RNF220: variants seen among roughly 807,000 people sequenced by gnomAD.
The protein encoded by RNF220 is ring finger protein 220.
Under a neutral mutation model 67.1 loss-of-function variants are expected in RNF220, and 7 were observed. The observed-to-expected ratio is 0.10, with a 90% CI of 0.06 to 0.20. The LOEUF is 0.20. RNF220 is among the 10% of genes least tolerant of loss of function. The probability of loss-of-function intolerance (pLI) is 1.00; values close to 1 mark genes in which losing one functional copy is unlikely to be tolerated. For synonymous variants in RNF220, 270 were observed against 283.2 expected, an observed-to-expected ratio of 0.95 and a Z score of 0.47; for missense variants, 565 against 740.3, an observed-to-expected ratio of 0.76 and a Z score of 2.75.
intron 2 of RNF220, among the ~76,000 whole-genome samples, chr1:44,579,639 A>G (rs1665088478): frequency 6.6e-6 from 1 of 152,018 alleles, no homozygotes; most frequent in Non-Finnish European, 1.5e-5. Flanking sequence ...CTATTTGTGG[A>G]TATTGTTTAT....
intron 2 of RNF220, among the ~76,000 whole-genome samples, chr1:44,448,863 T>C (rs1215018174): frequency 1.3e-5 from 2 of 152,232 alleles, no homozygotes; most frequent in Non-Finnish European, 2.9e-5. Flanking sequence ...TTGATATACC[T>C]GAGCCTGACT....
intron 1 of RNF220, among the ~76,000 whole-genome samples, chr1:44,407,481 C>T (rs556289963): frequency 3.9e-4 from 60 of 152,090 alleles, no homozygotes; most frequent in African/African-American, 1.2e-3. Flanking sequence ...CCGTGCCGAT[C>T]CCTCCTGGCC....
Position 44,622,766 on chromosome 1 carries a change from C to A in RNF220, c.783C>A (p.Ala261=). The A allele has an allele frequency of 6.2e-7, 1 of 1,614,014 alleles. No individual in the cohort carries two copies. Among genetic ancestry groups the A allele is most frequent in the Non-Finnish European group, 8.5e-7 (1 of 1,179,930 alleles). ...GCAAGAATTCCCTTCTGAAGGATGCCATGGCTCCAGGCACCCCAAAGGTAG... is the reference window on the plus strand; with the variant it reads ...GCAAGAATTCCCTTCTGAAGGATGCAATGGCTCCAGGCACCCCAAAGGTAG... ...PSSKNSLLKD[A]MAPGTPKSLL... The change falls in exon 4 of 15, where the codon GCC becomes GCA. Residue 261 remains alanine, a synonymous_variant. Transcript: ENST00000361799. This position sits in a 1 kb window ranked among gnomAD's most constrained non-coding sequence, Gnocchi z 4.3.
At chr1:44,534,444 A>G (rs1195924011) in intron 2 of RNF220, among the ~76,000 whole-genome samples, 1 of 152,098 alleles carries the variant, frequency 6.6e-6, no homozygotes, top group Non-Finnish European at 1.5e-5. Context: ...ATTTAGCATT[A>G]GGTATATCTC....
chr1:44,617,918 T>C (rs1643629759), intron 3 of RNF220, among the ~76,000 whole-genome samples: 1 of 147,622 alleles, frequency 6.8e-6, no homozygotes, highest in South Asian at 2.2e-4. Context: ...TGCTGACTCC[T>C]CCCTCTTCTC....
chr1:44,465,448 T>A (rs893546612), intron 2 of RNF220, among the ~76,000 whole-genome samples: 10 of 151,840 alleles, frequency 6.6e-5, no homozygotes, highest in African/African-American at 1.5e-4. Flanking sequence ...CATTTTTTTT[T>A]TTTTTTAGGT....
chr1:44,615,477 CT>C (rs1339886003), intron 3 of RNF220, among the ~76,000 whole-genome samples: 1 of 152,196 alleles, frequency 6.6e-6, no homozygotes. Flanking sequence ...TGCCCCGCTC[CT>C]CCCAGTCCGA....
At position 44,525,183 on chromosome 1, in the gene RNF220, A is replaced by G. The variant is rs367652463; in HGVS notation, c.626-88982A>G. The stretch of plus-strand genomic sequence containing the variant: ...ACTGTGGCCTATTTATCTCTGGGGA[A>G]AAAGCTGTAACAAGAAGATCCCCTA... On this transcript the variant is annotated intron_variant, in intron 2 of 14. Transcript: ENST00000361799. Among the ~76,000 whole-genome samples the G allele has an allele frequency of 9.8e-5, 15 of 152,330 alleles. No homozygotes were observed. In the East Asian group the frequency reaches 2.5e-3, roughly 25 times the overall value.
At chr1:44,530,205 G>A (rs80177774) in intron 2 of RNF220, among the ~76,000 whole-genome samples, 77 of 152,014 alleles carry the variant, frequency 5.1e-4, no homozygotes, top group African/African-American at 1.8e-3. Flanking sequence ...GGTCAAAGAG[G>A]GAAATGTATA....
chr1:44,420,872 C>G (rs1004669430), intron 2 of RNF220, among the ~76,000 whole-genome samples: 1 of 152,204 alleles, frequency 6.6e-6, no homozygotes, highest in African/African-American at 2.4e-5. Flanking sequence ...TACTTAGTTA[C>G]TGTTGTTATT....
At position 44,501,709 on chromosome 1, in the gene RNF220, C is replaced by T. The variant is rs138853962; in HGVS notation, c.625+88987C>T. ...TTTCTACTCCACCCAAGCACAGCGG[C>T]GGCGGCAGAGCACTTGTCAGGGCTG... On this transcript the variant is annotated intron_variant, in intron 2 of 14. Coordinates refer to ENST00000361799, the MANE Select transcript of RNF220 (RefSeq NM_018150.4). Among the ~76,000 whole-genome samples, 225 of 152,162 alleles carry T rather than the reference C, an allele frequency of 1.5e-3. 2 individuals are homozygous for T. In the South Asian group the frequency reaches 0.023, roughly 16 times the overall value.
rs994042267 is a variant in RNF220, at chr1:44,417,653, A to G, written c.625+4931A>G. On this transcript the variant is annotated intron_variant, in intron 2 of 14. Coordinates refer to ENST00000361799, the MANE Select transcript of RNF220 (RefSeq NM_018150.4). This position sits in a 1 kb window ranked among gnomAD's most constrained non-coding sequence, Gnocchi z 4.0. Reference sequence around the variant, plus strand: ...CTCGCCCCGCGCCCTCCCTCCCATCAATTGTCATGCAGAAGTGATCCGGGC... The same window carrying G: ...CTCGCCCCGCGCCCTCCCTCCCATCGATTGTCATGCAGAAGTGATCCGGGC... Among the ~76,000 whole-genome samples the G allele has an allele frequency of 6.6e-6, 1 of 151,638 alleles. No homozygotes were observed. Among genetic ancestry groups the G allele is most frequent in the Non-Finnish European group, 1.5e-5 (1 of 67,852 alleles).
intron 2 of RNF220, among the ~76,000 whole-genome samples, chr1:44,575,949 C>G (rs193249016): frequency 6.6e-6 from 1 of 152,156 alleles, no homozygotes; most frequent in African/African-American, 2.4e-5. Context: ...CATAATGGGC[C>G]CTGGGACCAC....
intron 2 of RNF220, among the ~76,000 whole-genome samples, chr1:44,585,909 C>T (rs1665660987): frequency 6.6e-6 from 1 of 152,108 alleles, no homozygotes; most frequent in Admixed American, 6.6e-5. Context: ...ACATTATACC[C>T]TGGCAAGCAG....
At chr1:44,631,842 A>C in intron 5 of RNF220, 446 of 868,596 alleles carry the variant, frequency 5.1e-4, no homozygotes, top group Non-Finnish European at 5.7e-4. Flanking sequence ...GGTGGGAGGG[A>C]CCCCGGGGAG....
At chr1:44,463,299 C>A (rs1653962272) in intron 2 of RNF220, among the ~76,000 whole-genome samples, 1 of 150,846 alleles carries the variant, frequency 6.6e-6, no homozygotes, top group Admixed American at 6.6e-5. Context: ...CGCACCATTG[C>A]TCTCCAGCCT....
At chr1:44,426,947 A>G (rs1355530437) in intron 2 of RNF220, among the ~76,000 whole-genome samples, 1 of 152,184 alleles carries the variant, frequency 6.6e-6, no homozygotes. Flanking sequence ...AGATGCATTT[A>G]AATTCAGTCT....
intron 2 of RNF220, among the ~76,000 whole-genome samples, chr1:44,594,270 C>T (rs143305397): frequency 1.3e-5 from 2 of 152,050 alleles, no homozygotes; most frequent in Non-Finnish European, 2.9e-5. Context: ...TTGCCTCCCC[C>T]CCTCCCTCCT....
At chr1:44,542,116 A>G (rs563651878) in intron 2 of RNF220, among the ~76,000 whole-genome samples, 3 of 152,138 alleles carry the variant, frequency 2.0e-5, no homozygotes, top group Non-Finnish European at 4.4e-5. Flanking sequence ...GCTGCTTCAC[A>G]TGATGCCAGC....
Sources: allele counts gnomAD v4.1 joint callset (sites outside exome capture counted in the v4.1 genomes callset), GRCh38; gene constraint gnomAD v4.1.1; non-coding constraint Gnocchi (gnomAD v3.1); transcripts MANE v1.5; gene names NCBI Gene and HGNC (gene_info 2026-07-23, HGNC 2026-07-21).